The following HTRA4 variants were observed in gnomAD, a reference collection of about 807,000 sequenced individuals.
HTRA4 encodes the protein serine protease HTRA4.
A neutral mutation model predicts 49.1 loss-of-function variants in HTRA4; 46 were observed. That is an observed-to-expected ratio of 0.94 (90% CI 0.74 to 1.20). The LOEUF is 1.20. Ranked by LOEUF, HTRA4 falls within the 50% of genes most tolerant of loss-of-function variation. The pLI is 0.00. For synonymous variants in HTRA4, 261 were observed against 264.0 expected, an observed-to-expected ratio of 0.99 and a Z score of 0.11; for missense variants, 602 against 636.9, an observed-to-expected ratio of 0.95 and a Z score of 0.59.
At chr8:38,975,416 CTT>C (rs1248400923) in intron 2 of HTRA4, among the ~76,000 whole-genome samples, 2 of 152,088 alleles carry the variant, frequency 1.3e-5, no homozygotes, top group African/African-American at 4.8e-5. Flanking sequence ...TAGGCAATTT[CTT>C]TTCTTTTTTT....
In HTRA4 at chr8:38,981,757, C is replaced by T; in HGVS notation, c.1104C>T (p.His368=). 1 of 1,608,468 alleles carries T rather than the reference C, an allele frequency of 6.2e-7. No individual in the cohort carries two copies. Among genetic ancestry groups the T allele is most frequent in the Non-Finnish European group, 8.5e-7 (1 of 1,176,166 alleles). Residue 368 remains histidine, a synonymous_variant, in exon 6 of 9, where the codon CAC becomes CAT. Transcript: ENST00000302495. ...VRQFLAEYHE[H]QMKGKAFSNK... ...AGTTCTTGGCAGAATACCATGAGCACCAGATGAAAGGTAAAGCAAGTTGGG... is the reference window on the plus strand; with the variant it reads ...AGTTCTTGGCAGAATACCATGAGCATCAGATGAAAGGTAAAGCAAGTTGGG...
chr8:38,981,539 G>C lies in HTRA4; in HGVS notation c.1000-114G>C, dbSNP rs1476248802. 11 of 694,236 alleles carry C rather than the reference G, an allele frequency of 1.6e-5. No individual in the cohort carries two copies. In the Admixed American group the frequency reaches 2.5e-4, roughly 16 times the overall value. The allele number at this position is 694,236 out of a possible 1,614,324, so 43.0% of individuals were successfully genotyped here. A position where few individuals can be genotyped will look rare whatever the true frequency, so the allele number is the denominator to read the frequency against. On this transcript the variant is annotated intron_variant, in intron 5 of 8. Transcript: ENST00000302495. ...TCTTTTGAAGTACAAAGTTCCTCTC[G>C]GCCCTGTTTTCTGACCCTAAGTAAC...
intron 5 of HTRA4, among the ~76,000 whole-genome samples, chr8:38,981,083 T>TTTTG (rs1835416051): frequency 1.2e-4 from 6 of 51,294 alleles, no homozygotes; most frequent in Middle Eastern, 0.012. Context: ...TTTTTTTTTT[T>TTTTG]TTTTTTTTTT....
chr8:38,976,455 A>G, intron 2 of HTRA4, 80 bp from the exon 3 acceptor site: 1 of 1,255,864 alleles, frequency 8.0e-7, no homozygotes, highest in Non-Finnish European at 1.2e-6. Context: ...AATAAGAGTG[A>G]GGTTCCCATG....
chr8:38,974,510 G>A lies in HTRA4; in HGVS notation c.247G>A (p.Ala83Thr), dbSNP rs1393764237. 5 of 1,473,500 alleles carry A rather than the reference G, an allele frequency of 3.4e-6. No homozygotes were observed. The African/African-American group carries it at 4.4e-5, about 13-fold the overall frequency. 91.3% of individuals were successfully genotyped at this position (1,473,500 alleles called of 1,614,324 possible). The change falls in exon 1 of 9, where the codon GCG becomes ACG. Residue 83 changes from alanine (A) to threonine (T), a missense_variant. Transcript: ENST00000302495. ...GGCCGAGCGTGAAGTCTGCGGCGGG[G>A]CGCAGGGCCAACCGTGCGCCCCGGG... ...PAAEREVCGG[A>T]QGQPCAPGLQ... is the part of the protein sequence containing the mutation.
In HTRA4 at chr8:38,981,063, G is replaced by GTTT. The variant is rs71216700; in HGVS notation, c.1000-558_1000-556dup. On this transcript the variant is annotated intron_variant, in intron 5 of 8. Coordinates refer to ENST00000302495, the MANE Select transcript of HTRA4 (RefSeq NM_153692.4). ...TACTAAAGGAAAAAAATGAGCTTAA[G>GTTT]TTTTTTTTTTTTTTTTTTTTTTTTT... Among the ~76,000 whole-genome samples the GTTT allele has an allele frequency of 5.0e-3, 242 of 48,140 alleles. 14 individuals are homozygous for GTTT. Among genetic ancestry groups the GTTT allele is most frequent in the South Asian group, 5.8e-3 (6 of 1,038 alleles). The allele number at this position is 48,140 out of a possible 152,430, so 31.6% of individuals were successfully genotyped here. A position where few individuals can be genotyped will look rare whatever the true frequency, so the allele number is the denominator to read the frequency against.
chr8:38,984,002 ATAG>A (rs1372171096), intron 8 of HTRA4, among the ~76,000 whole-genome samples: 1 of 122,288 alleles, frequency 8.2e-6, no homozygotes, highest in African/African-American at 2.8e-5. Flanking sequence ...TTATTCATTA[ATAG>A]TTTTTTTTTC....
rs368081341 is a variant in HTRA4 at position 38,977,947 on chromosome 8, G to A, written c.772-6G>A. 25 of 1,612,342 alleles carry A rather than the reference G, an allele frequency of 1.6e-5. No individual in the cohort carries two copies. In the Middle Eastern group the frequency reaches 8.6e-4, roughly 56 times the overall value. On this transcript the variant is annotated splice_polypyrimidine_tract_variant and splice_region_variant and intron_variant, in intron 3 of 8. Coordinates refer to ENST00000302495, the MANE Select transcript of HTRA4 (RefSeq NM_153692.4). ...GTCCTCCCCATCCCTTTTTGGGCACGTGCAGGCTGAACTTCCTGTACTGAT... is the reference window on the plus strand; with the variant it reads ...GTCCTCCCCATCCCTTTTTGGGCACATGCAGGCTGAACTTCCTGTACTGAT...
chr8:38,975,664 C>A (rs767101001), intron 2 of HTRA4, among the ~76,000 whole-genome samples: 1 of 152,222 alleles, frequency 6.6e-6, no homozygotes, highest in African/African-American at 2.4e-5. Flanking sequence ...CCACCTTAGC[C>A]TCCCGACGTG....
At chr8:38,979,987 TATAG>T (rs1835399121) in intron 5 of HTRA4, among the ~76,000 whole-genome samples, 1 of 152,058 alleles carries the variant, frequency 6.6e-6, no homozygotes, top group Non-Finnish European at 1.5e-5. Context: ...TTGACCTGCT[TATAG>T]ATGAGAGAAA....
intron 4 of HTRA4, 58 bp downstream of exon 4, chr8:38,978,205 T>C (rs767725716): frequency 2.7e-4 from 395 of 1,438,182 alleles, no homozygotes; most frequent in Non-Finnish European, 3.5e-4. Context: ...TACAGGTCCA[T>C]GGCCTGTTAG....
chr8:38,986,808 T>C (rs1835487292), intron 8 of HTRA4, among the ~76,000 whole-genome samples: 1 of 152,188 alleles, frequency 6.6e-6, no homozygotes, highest in Admixed American at 6.5e-5. Flanking sequence ...TTCCCAAGTC[T>C]GAAAGACCCA....
chr8:38,977,228 G>A (rs1356094139), intron 3 of HTRA4, among the ~76,000 whole-genome samples: 4 of 150,796 alleles, frequency 2.7e-5, no homozygotes, highest in Non-Finnish European at 4.4e-5. Context: ...GAGCCACTGC[G>A]CTTGGCCTCT....
chr8:38,983,953 T>G (rs1030026168), intron 8 of HTRA4, among the ~76,000 whole-genome samples: 1 of 152,152 alleles, frequency 6.6e-6, no homozygotes, highest in Non-Finnish European at 1.5e-5. Context: ...TTAATAACTA[T>G]TAAGTGATTA....
Position 38,974,492 on chromosome 8 carries a change from C to T in HTRA4, c.229C>T (p.Arg77Cys), listed in dbSNP as rs1040545907. 3.3e-6 allele frequency: 5 copies of T among 1,511,064 alleles called. No individual in the cohort carries two copies. The highest frequency in any genetic ancestry group is 1.4e-5 in the African/African-American group (1 of 69,948). The allele number at this position is 1,511,064 out of a possible 1,614,324, so 93.6% of individuals were successfully genotyped here. Reference protein sequence around the residue: ...RCCRVCPAAEREVCGGAQGQP... With the variant: ...RCCRVCPAAECEVCGGAQGQP... ...TTGCCGCGTCTGCCCCGCGGCCGAGCGTGAAGTCTGCGGCGGGGCGCAGGG... is the reference window on the plus strand; with the variant it reads ...TTGCCGCGTCTGCCCCGCGGCCGAGTGTGAAGTCTGCGGCGGGGCGCAGGG... Residue 77 changes from arginine (R) to cysteine (C), a missense_variant, in exon 1 of 9, where the codon CGT becomes TGT. Arg to Cys is a radical substitution (Grantham distance 180). Coordinates refer to ENST00000302495, the MANE Select transcript of HTRA4 (RefSeq NM_153692.4).
chr8:38,981,083 T>TTTTTTG (rs1835416112), intron 5 of HTRA4, among the ~76,000 whole-genome samples: 1 of 51,264 alleles, frequency 2.0e-5, no homozygotes, highest in East Asian at 1.7e-3. Flanking sequence ...TTTTTTTTTT[T>TTTTTTG]TTTTTTTTTT....
chr8:38,977,148 C>A (rs983449070), intron 3 of HTRA4, among the ~76,000 whole-genome samples: 10 of 152,074 alleles, frequency 6.6e-5, no homozygotes, highest in African/African-American at 2.2e-4. Context: ...GTTGGCCAGG[C>A]TGGTCTCGAA....
intron 5 of HTRA4, 82 bp from the exon 6 acceptor site, chr8:38,981,571 C>A: frequency 1.1e-6 from 1 of 898,908 alleles, no homozygotes; most frequent in Non-Finnish European, 1.8e-6. Flanking sequence ...TAACTAGCTT[C>A]ACTCCTTCTT....
chr8:38,981,513 C>G, intron 5 of HTRA4, 140 bp from the exon 6 acceptor site: 1 of 622,290 alleles, frequency 1.6e-6, no homozygotes, highest in Non-Finnish European at 2.9e-6. Context: ...ATCCGTTGCT[C>G]TCTTTTGAAG....
Sources: gnomAD v4.1 joint callset for allele counts (sites outside exome capture counted in the v4.1 genomes callset) on GRCh38, gnomAD v4.1.1 for gene constraint, MANE v1.5 for transcripts, NCBI Gene and HGNC (gene_info 2026-07-23, HGNC 2026-07-21) for gene names.